BAIAP2L1: variants seen among roughly 807,000 people sequenced by gnomAD.
BAIAP2L1 encodes BAR/IMD domain containing adaptor protein 2 like 1.
In BAIAP2L1, 35 loss-of-function variants were observed where a neutral mutation model predicts 66.3. That is an observed-to-expected ratio of 0.53 (90% CI 0.40 to 0.70). BAIAP2L1 has a LOEUF of 0.70. Ranked by LOEUF, BAIAP2L1 falls within the 30% of genes least tolerant of loss-of-function variation. The pLI is 0.00. For missense variants in BAIAP2L1, 622 were observed against 656.9 expected (o/e 0.95, Z 0.58); for synonymous variants, 269 against 248.7 (o/e 1.08, Z -0.77).
chr7:98,371,609 T>G (rs1192302541), intron 1 of BAIAP2L1, among the ~76,000 whole-genome samples: 1 of 152,218 alleles, frequency 6.6e-6, no homozygotes, highest in Non-Finnish European at 1.5e-5. Flanking sequence ...AATGATGCAA[T>G]CTTATGACGG....
At chr7:98,389,551 C>A (rs1802977055) in intron 1 of BAIAP2L1, among the ~76,000 whole-genome samples, 1 of 152,072 alleles carries the variant, frequency 6.6e-6, no homozygotes, top group Admixed American at 6.5e-5. Flanking sequence ...AAACTCCTGA[C>A]CTCAGGTGAT....
In BAIAP2L1 at chr7:98,315,468, GATA is replaced by G; in HGVS notation, c.628_630del (p.Tyr210del). 6.8e-7 allele frequency: 1 copy of G among 1,477,994 alleles called. No individual in the cohort carries two copies. The highest frequency in any genetic ancestry group is 2.5e-5 in the East Asian group (1 of 39,988). 91.6% of individuals were successfully genotyped at this position (1,477,994 alleles called of 1,614,324 possible). ...TTTGCCACCACACCCACCTGTAAGT[GATA>G]ATAATGTATGTGGTTTGCAAAGCCA... On this transcript the variant is annotated inframe_deletion, in exon 7 of 14. Coordinates refer to ENST00000005260, the MANE Select transcript of BAIAP2L1 (RefSeq NM_018842.5).
intron 8 of BAIAP2L1, among the ~76,000 whole-genome samples, chr7:98,310,814 G>A (rs886269604): frequency 4.6e-5 from 7 of 152,088 alleles, no homozygotes; most frequent in Admixed American, 2.0e-4. Context: ...AGCCTCTTGA[G>A]TAGCTGGATA....
intron 3 of BAIAP2L1, 75 bp downstream of exon 3, chr7:98,354,967 G>T: frequency 1.8e-6 from 2 of 1,090,448 alleles, no homozygotes; most frequent in African/African-American, 1.5e-5. Flanking sequence ...TTCTGGACTG[G>T]GCCATCCCAC....
chr7:98,326,872 CA>C (rs76222115), intron 3 of BAIAP2L1, among the ~76,000 whole-genome samples: 24,818 of 144,960 alleles, frequency 0.17, 2,216 homozygotes, highest in South Asian at 0.32. Flanking sequence ...CTAGTCGTGA[CA>C]AAAAAAAAAA....
intron 1 of BAIAP2L1, among the ~76,000 whole-genome samples, chr7:98,367,428 T>C (rs924012643): frequency 1.1e-4 from 16 of 151,984 alleles, no homozygotes; most frequent in African/African-American, 3.6e-4. Flanking sequence ...TGGAGTGCAG[T>C]GGTACGATCT....
intron 5 of BAIAP2L1, among the ~76,000 whole-genome samples, chr7:98,318,437 C>T (rs2116897478): frequency 6.6e-6 from 1 of 151,930 alleles, no homozygotes; most frequent in Non-Finnish European, 1.5e-5. Context: ...TACAGGCGCA[C>T]ACAACCACGC....
At chr7:98,308,535 G>A in intron 9 of BAIAP2L1, 7 of 345,686 alleles carry the variant, frequency 2.0e-5, no homozygotes, top group South Asian at 1.6e-4. Context: ...CAGCTGGCAA[G>A]TGGCTGGGCC....
intron 1 of BAIAP2L1, chr7:98,386,651 T>C: frequency 7.7e-7 from 1 of 1,298,288 alleles, no homozygotes. Context: ...GAACTTTTTT[T>C]TGTCTCTCAT....
chr7:98,298,743 T>TA (rs1263605031), intron 12 of BAIAP2L1, among the ~76,000 whole-genome samples: 10 of 152,196 alleles, frequency 6.6e-5, no homozygotes, highest in Non-Finnish European at 1.3e-4. Flanking sequence ...AAAGCTAAGT[T>TA]ATTAATCGAG....
intron 1 of BAIAP2L1, among the ~76,000 whole-genome samples, chr7:98,390,044 T>C (rs1241623647): frequency 6.7e-6 from 1 of 150,308 alleles, no homozygotes; most frequent in African/African-American, 2.4e-5. Context: ...GCCTCCCGAG[T>C]AGCTGGGACT....
chr7:98,355,169 A>G, intron 2 of BAIAP2L1, 41 bp from the exon 3 acceptor site: 1 of 1,384,516 alleles, frequency 7.2e-7, no homozygotes, highest in Non-Finnish European at 1.0e-6. Context: ...CACTTAGACA[A>G]GGAAAGGAGG....
chr7:98,306,301 C>T lies in BAIAP2L1; in HGVS notation c.1241+138G>A, dbSNP rs111919043. ...AATCACGGCAGACAGCACTGTGAGC[C>T]GCGGTCTCATCTCTGACTAGTCCAC... On this transcript the variant is annotated intron_variant, in intron 11 of 13. Transcript: ENST00000005260. 7 of 1,032,608 alleles carry T rather than the reference C, an allele frequency of 6.8e-6. No homozygotes were observed. In the East Asian group the frequency reaches 7.3e-5, roughly 11 times the overall value. The allele number at this position is 1,032,608 out of a possible 1,614,324, so 64.0% of individuals were successfully genotyped here.
intron 2 of BAIAP2L1, among the ~76,000 whole-genome samples, chr7:98,359,602 C>G (rs1042205768): frequency 1.3e-5 from 2 of 152,036 alleles, no homozygotes; most frequent in Non-Finnish European, 2.9e-5. Context: ...GCAGTAGTGT[C>G]TGCCTGCTGA....
intron 2 of BAIAP2L1, among the ~76,000 whole-genome samples, chr7:98,356,994 C>CAAAAAAAAAAAAAAAAAAA (rs1171832329): frequency 4.1e-4 from 1 of 2,426 alleles, no homozygotes; most frequent in Non-Finnish European, 6.9e-4. Flanking sequence ...GCCCCTGTCT[C>CAAAAAAAAAAAAAAAAAAA]AAAAAAAAAA....
rs1800083605 is a variant in BAIAP2L1, at chr7:98,294,101, T to C, written c.1433A>G (p.Asn478Ser). 1 of 1,614,098 alleles carries C rather than the reference T, an allele frequency of 6.2e-7. No homozygotes were observed. The highest frequency in any genetic ancestry group is 1.1e-5 in the South Asian group (1 of 91,078). Reference sequence around the variant, plus strand: ...GAGAAAAGGCGGCTTTGCAGTCCCGTTGGCATCGTTCTGTGAGAAAGATAA... The same window carrying C: ...GAGAAAAGGCGGCTTTGCAGTCCCGCTGGCATCGTTCTGTGAGAAAGATAA... ...KPETAAPNDA[N>S]GTAKPPFLSG... is the part of the protein sequence containing the mutation. The change falls in exon 13 of 14, where the codon AAC (asparagine) becomes AGC (serine). Residue 478 changes from asparagine to serine, a missense_variant. Coordinates refer to ENST00000005260, the MANE Select transcript of BAIAP2L1 (RefSeq NM_018842.5).
intron 2 of BAIAP2L1, among the ~76,000 whole-genome samples, chr7:98,356,393 C>T (rs1212784358): frequency 2.6e-5 from 4 of 152,154 alleles, no homozygotes; most frequent in African/African-American, 9.7e-5. Flanking sequence ...GCTTTGGAGA[C>T]CACACAGTTT....
chr7:98,385,651 C>T (rs1418670685), intron 1 of BAIAP2L1: 1 of 683,958 alleles, frequency 1.5e-6, no homozygotes, highest in Non-Finnish European at 2.5e-6. Context: ...TGACCTCAAG[C>T]AAGCTGCCTG....
At chr7:98,296,298 G>A (rs944851714) in intron 12 of BAIAP2L1, among the ~76,000 whole-genome samples, 13 of 152,216 alleles carry the variant, frequency 8.5e-5, no homozygotes, top group Admixed American at 5.9e-4. Context: ...GTGCTTTTCT[G>A]TCTGTGGTAT....
Sources: allele counts gnomAD v4.1 joint callset (sites outside exome capture counted in the v4.1 genomes callset), GRCh38; gene constraint gnomAD v4.1.1; transcripts MANE v1.5; gene names NCBI Gene and HGNC (gene_info 2026-07-23, HGNC 2026-07-21).